The following ZMYM2 variants were observed in gnomAD, a reference collection of about 807,000 sequenced individuals.
ZMYM2 encodes the protein zinc finger MYM-type containing 2.
ZMYM2 carries 56 observed loss-of-function variants against 162.8 expected under a neutral mutation model. That is an observed-to-expected ratio of 0.34 (90% confidence interval 0.28 to 0.43). The LOEUF (loss-of-function observed/expected upper bound fraction) is 0.43, where lower values mean the gene tolerates loss of function less well. Among genes scored for constraint, ZMYM2 ranks in the 20% least tolerant of loss-of-function variants. ZMYM2 has a pLI of 1.00. For missense variants in ZMYM2, 1,275 were observed against 1,621.8 expected (o/e 0.79, Z 3.67); for synonymous variants, 510 against 541.6 (o/e 0.94, Z 0.81).
intron 21 of ZMYM2, among the ~76,000 whole-genome samples, chr13:20,067,889 A>G (rs1340510318): frequency 6.6e-6 from 1 of 152,200 alleles, no homozygotes; most frequent in African/African-American, 2.4e-5. Flanking sequence ...ATTTGTGCCC[A>G]GAAGTCAGAA....
intron 4 of ZMYM2, among the ~76,000 whole-genome samples, chr13:20,004,177 C>G (rs748825892): frequency 6.6e-6 from 1 of 152,146 alleles, no homozygotes; most frequent in East Asian, 1.9e-4. Context: ...CAGTAGTAAA[C>G]TTAAATACTA....
the ZMYM2 span, among the ~76,000 whole-genome samples, chr13:19,920,252 C>T: frequency 1.3e-5 from 2 of 152,088 alleles, no homozygotes; most frequent in Non-Finnish European, 2.9e-5. Flanking sequence ...TGTAGGCTTG[C>T]AGGCCACATA....
At chr13:19,969,903 G>A (rs926556446) in intron 2 of ZMYM2, 2 of 365,164 alleles carry the variant, frequency 5.5e-6, no homozygotes, top group Non-Finnish European at 7.6e-6. Context: ...ATGAAACAGA[G>A]GCAAGAGATT....
intron 2 of ZMYM2, among the ~76,000 whole-genome samples, chr13:19,971,283 T>C (rs1245400742): frequency 4.9e-5 from 6 of 122,650 alleles, no homozygotes; most frequent in Admixed American, 9.3e-5. Flanking sequence ...TTTTTTTTTT[T>C]CCTTGAGATG....
At chr13:19,947,816 C>T in the ZMYM2 span, among the ~76,000 whole-genome samples, 3 of 152,014 alleles carry the variant, frequency 2.0e-5, no homozygotes, top group African/African-American at 7.3e-5. Context: ...TTTTAAAAAT[C>T]CGTTTACCTA....
At chr13:19,991,739 T>G (rs1040376243) in intron 2 of ZMYM2, among the ~76,000 whole-genome samples, 2 of 151,368 alleles carry the variant, frequency 1.3e-5, no homozygotes, top group African/African-American at 2.4e-5. Context: ...CAGATGATTC[T>G]CCTCTTCAGT....
At chr13:20,028,714 A>T (rs752161106) in intron 9 of ZMYM2, among the ~76,000 whole-genome samples, 2 of 152,154 alleles carry the variant, frequency 1.3e-5, no homozygotes, top group Admixed American at 1.3e-4. Context: ...ATCTAATGCC[A>T]TGTAAATGCT....
the ZMYM2 span, among the ~76,000 whole-genome samples, chr13:19,950,641 C>T: frequency 1.3e-5 from 2 of 152,206 alleles, no homozygotes; most frequent in Non-Finnish European, 2.9e-5. Context: ...GCTGCAAAGT[C>T]GTTCTGAACC....
chr13:19,906,494 AT>A, the ZMYM2 span, among the ~76,000 whole-genome samples: 1 of 148,000 alleles, frequency 6.8e-6, no homozygotes, highest in Non-Finnish European at 1.5e-5. Context: ...AACGTCTACC[AT>A]TTTGCTATTT....
At position 19,999,227 on chromosome 13, in the gene ZMYM2, G is replaced by T. The variant is rs186564800; in HGVS notation, c.848-3623G>T. ...CTCATTTTATAGTACTTTGTTTATT[G>T]CACTTCACAGATAATTGCATTTTAC... On this transcript the variant is annotated intron_variant, in intron 3 of 24. Coordinates refer to ENST00000610343, the MANE Select transcript of ZMYM2 (RefSeq NM_197968.4). Among the ~76,000 whole-genome samples, 1,008 of 152,250 alleles carry T rather than the reference G, an allele frequency of 6.6e-3. 6 individuals carry two copies. The highest frequency in any genetic ancestry group is 0.011 in the Non-Finnish European group (727 of 68,008).
upstream of ZMYM2, among the ~76,000 whole-genome samples, chr13:19,954,481 A>G (rs886715046): frequency 2.6e-5 from 4 of 152,136 alleles, no homozygotes; most frequent in Admixed American, 1.3e-4. Flanking sequence ...AAAGCTATCT[A>G]GAGAGGCTGT....
chr13:20,027,090 C>T (rs1325857410), intron 8 of ZMYM2, 113 bp from the exon 9 acceptor site: 8 of 733,000 alleles, frequency 1.1e-5, no homozygotes, highest in African/African-American at 1.8e-5. Context: ...ATTGAAGGTG[C>T]AAATAATAAT....
chr13:19,939,239 G>T, the ZMYM2 span, among the ~76,000 whole-genome samples: 1 of 151,726 alleles, frequency 6.6e-6, no homozygotes, highest in Admixed American at 6.6e-5. Flanking sequence ...GCCCAGGCTG[G>T]TCTTGAACTC....
the ZMYM2 span, among the ~76,000 whole-genome samples, chr13:19,880,377 C>T: frequency 6.6e-6 from 1 of 152,058 alleles, no homozygotes; most frequent in African/African-American, 2.4e-5. Context: ...ATTCCACCTT[C>T]TTCGTTAATT....
At chr13:20,046,564 A>ATAT (rs1555317284) in intron 12 of ZMYM2, among the ~76,000 whole-genome samples, 20,729 of 101,588 alleles carry the variant, frequency 0.2, 2,480 homozygotes, top group East Asian at 0.44. Context: ...TAAAAAAAAA[A>ATAT]ATATATATAT....
chr13:19,999,759 A>G (rs1188589926), intron 3 of ZMYM2, among the ~76,000 whole-genome samples: 1 of 152,220 alleles, frequency 6.6e-6, no homozygotes, highest in Non-Finnish European at 1.5e-5. Flanking sequence ...CTTGAAGGAA[A>G]TTAAAACTGC....
chr13:19,884,726 G>T, the ZMYM2 span, among the ~76,000 whole-genome samples: 1,831 of 152,150 alleles, frequency 0.012, 38 homozygotes, highest in African/African-American at 0.04. Flanking sequence ...CAGAAAAAAA[G>T]ACACAAACTC....
chr13:19,980,503 G>GC (rs1173154975), intron 2 of ZMYM2, among the ~76,000 whole-genome samples: 1 of 151,814 alleles, frequency 6.6e-6, no homozygotes, highest in Non-Finnish European at 1.5e-5. Flanking sequence ...TACAATCCCA[G>GC]CACTTTGGGA....
intron 2 of ZMYM2, among the ~76,000 whole-genome samples, chr13:19,983,067 A>G (rs1957490529): frequency 6.6e-6 from 1 of 152,166 alleles, no homozygotes; most frequent in Non-Finnish European, 1.5e-5. Context: ...CACTGTCTAT[A>G]ATAGTTTTTC....
Sources: gnomAD v4.1 joint callset for allele counts (sites outside exome capture counted in the v4.1 genomes callset) on GRCh38, gnomAD v4.1.1 for gene constraint, MANE v1.5 for transcripts, NCBI Gene and HGNC (gene_info 2026-07-23, HGNC 2026-07-21) for gene names.